MOSMO: variants seen among roughly 807,000 people sequenced by gnomAD.
The protein encoded by MOSMO is modulator of smoothened protein.
A neutral mutation model predicts 18.4 loss-of-function variants in MOSMO; 5 were observed. That is an observed-to-expected ratio of 0.27 (90% CI 0.14 to 0.57). MOSMO has a LOEUF of 0.57. MOSMO is among the 20% of genes least tolerant of loss of function. The pLI is 0.92. For synonymous variants in MOSMO, 82 were observed against 82.3 expected (o/e 1.00, Z 0.02); for missense variants, 138 against 211.8 (o/e 0.65, Z 2.16).
chr16:22,083,611 G>A lies in MOSMO; in HGVS notation c.*2731G>A, dbSNP rs1901120709. On this transcript the variant is annotated 3_prime_UTR_variant, in exon 3 of 3. Transcript: ENST00000542527. Reference sequence around the variant, plus strand: ...AGCAGGAAATCGTATCTTGTAAACTGTATATAAAACACTGTTTTATGGTGC... The same window carrying A: ...AGCAGGAAATCGTATCTTGTAAACTATATATAAAACACTGTTTTATGGTGC... 2 of 451,356 alleles carry A rather than the reference G, an allele frequency of 4.4e-6. No individual in the cohort carries two copies. The highest frequency in any genetic ancestry group is 2.5e-5 in the Admixed American group (1 of 40,750). The allele number at this position is 451,356 out of a possible 1,614,324, so 28.0% of individuals were successfully genotyped here. A position where few individuals can be genotyped will look rare whatever the true frequency, so the allele number is the denominator to read the frequency against.
intron 1 of MOSMO, among the ~76,000 whole-genome samples, chr16:22,066,923 C>G (rs1900758516): frequency 6.6e-6 from 1 of 152,098 alleles, no homozygotes. Context: ...CCTGATGAAG[C>G]CCAGACATTG....
intron 1 of MOSMO, among the ~76,000 whole-genome samples, chr16:22,073,585 T>C (rs1300778551): frequency 6.6e-6 from 1 of 152,036 alleles, no homozygotes; most frequent in Non-Finnish European, 1.5e-5. Flanking sequence ...TTTAGTGTTT[T>C]TGTTTAAGAA....
intron 1 of MOSMO, among the ~76,000 whole-genome samples, chr16:22,051,718 G>T (rs1350119191): frequency 2.0e-5 from 3 of 152,192 alleles, no homozygotes; most frequent in South Asian, 2.1e-4. Flanking sequence ...AAAGGGGATT[G>T]TGGGAACCCC....
At chr16:22,011,922 A>C (rs1312137193) in intron 1 of MOSMO, among the ~76,000 whole-genome samples, 4 of 127,410 alleles carry the variant, frequency 3.1e-5, no homozygotes, top group Non-Finnish European at 6.7e-5. Context: ...AGGCAGATGT[A>C]GTCCTGAGTT....
Position 22,084,023 on chromosome 16 carries a change from C to A in MOSMO, c.*3143C>A, listed in dbSNP as rs1439914705. The A allele has an allele frequency of 4.3e-6, 1 of 230,504 alleles. No individual in the cohort carries two copies. Among genetic ancestry groups the A allele is most frequent in the Non-Finnish European group, 8.5e-6 (1 of 117,014 alleles). The allele number at this position is 230,504 out of a possible 1,614,324, so 14.3% of individuals were successfully genotyped here. The stretch of plus-strand genomic sequence containing the variant: ...ATGACCAAAACACTATTGGTTTTTA[C>A]CCTTTTGCCTAAAGCTTTGATATCC... On this transcript the variant is annotated 3_prime_UTR_variant, in exon 3 of 3. Coordinates refer to ENST00000542527, the MANE Select transcript of MOSMO (RefSeq NM_001164579.2).
chr16:22,014,306 T>G (rs1249691328), intron 1 of MOSMO, among the ~76,000 whole-genome samples: 1 of 152,210 alleles, frequency 6.6e-6, no homozygotes, highest in African/African-American at 2.4e-5. Flanking sequence ...CCGGTCTCCA[T>G]TGCTCATGGA....
chr16:22,056,612 G>A (rs911716435), intron 1 of MOSMO, among the ~76,000 whole-genome samples: 6 of 151,536 alleles, frequency 4.0e-5, no homozygotes, highest in African/African-American at 7.3e-5. Context: ...TCAAGCTCCC[G>A]ACCTTAGGTG....
chr16:22,040,879 G>A (rs1280282159), intron 1 of MOSMO, among the ~76,000 whole-genome samples: 1 of 152,066 alleles, frequency 6.6e-6, no homozygotes, highest in Admixed American at 6.6e-5. Flanking sequence ...CAGGAGAATC[G>A]CTTGAACCTT....
chr16:22,020,689 A>G (rs937940037), intron 1 of MOSMO, among the ~76,000 whole-genome samples: 3 of 152,204 alleles, frequency 2.0e-5, no homozygotes, highest in Admixed American at 6.5e-5. Flanking sequence ...CTAGCCCACA[A>G]GTCCATGTTG....
At chr16:22,042,435 C>T (rs1900226977) in intron 1 of MOSMO, among the ~76,000 whole-genome samples, 1 of 152,154 alleles carries the variant, frequency 6.6e-6, no homozygotes, top group Non-Finnish European at 1.5e-5. Context: ...CCACTTCCTA[C>T]AATAATGAAC....
intron 1 of MOSMO, among the ~76,000 whole-genome samples, chr16:22,015,520 ATGT>A (rs1899619781): frequency 6.6e-6 from 1 of 152,194 alleles, no homozygotes; most frequent in Admixed American, 6.5e-5. Context: ...GTGATTAAAG[ATGT>A]TTTTTAAATG....
intron 1 of MOSMO, among the ~76,000 whole-genome samples, chr16:22,056,455 T>G (rs1900538144): frequency 7.8e-6 from 1 of 127,640 alleles, no homozygotes; most frequent in Admixed American, 9.6e-5. Flanking sequence ...CAACGCAACC[T>G]CCGCCTCCCA....
At chr16:22,010,393 T>C (rs547974847) in intron 1 of MOSMO, among the ~76,000 whole-genome samples, 3 of 152,346 alleles carry the variant, frequency 2.0e-5, no homozygotes, top group South Asian at 4.1e-4. Context: ...TTGATGTTTT[T>C]ATCCTACTTA....
chr16:22,092,461 T>TCCCTGC (rs2141807905), downstream of MOSMO: 1 of 665,266 alleles, frequency 1.5e-6, no homozygotes, highest in East Asian at 3.3e-5. Flanking sequence ...GTTTTCCCTT[T>TCCCTGC]CCCTGCCCCG....
At chr16:22,057,162 G>C (rs1900553451) in intron 1 of MOSMO, among the ~76,000 whole-genome samples, 2 of 152,014 alleles carry the variant, frequency 1.3e-5, no homozygotes, top group African/African-American at 4.8e-5. Flanking sequence ...TTCATTTTTT[G>C]TTGCTATAAC....
chr16:22,042,058 G>A (rs568281220), intron 1 of MOSMO, among the ~76,000 whole-genome samples: 24 of 152,280 alleles, frequency 1.6e-4, no homozygotes, highest in African/African-American at 5.8e-4. Context: ...TGAGTTTCCA[G>A]GAGATTTTTC....
downstream of MOSMO, chr16:22,087,341 T>C (rs72784941): frequency 0.051 from 7,825 of 152,244 alleles, 295 homozygotes; most frequent in Non-Finnish European, 0.073. Flanking sequence ...ACTTGGCCAT[T>C]TTACAGCACT....
chr16:22,036,551 G>T lies in MOSMO; in HGVS notation c.106+28144G>T, dbSNP rs1358860040. 3.3e-5 allele frequency among the ~76,000 whole-genome samples: 5 copies of T among 152,298 alleles called. No homozygotes were observed. In the East Asian group the frequency reaches 9.7e-4, roughly 29 times the overall value. The stretch of plus-strand genomic sequence containing the variant: ...TAGCCTTGAACTTCTGTGCTCAAGT[G>T]ATGCTCCTATCTCCGCCCCACGAGT... On this transcript the variant is annotated intron_variant, in intron 1 of 2. Transcript: ENST00000542527.
intron 1 of MOSMO, among the ~76,000 whole-genome samples, chr16:22,015,458 A>G (rs1202416461): frequency 6.6e-6 from 1 of 152,172 alleles, no homozygotes; most frequent in African/African-American, 2.4e-5. Context: ...GTTGGTGGAC[A>G]TTTGGACCAC....
Sources: allele counts gnomAD v4.1 joint callset (sites outside exome capture counted in the v4.1 genomes callset), GRCh38; gene constraint gnomAD v4.1.1; transcripts MANE v1.5; gene names NCBI Gene and HGNC (gene_info 2026-07-23, HGNC 2026-07-21).